The following KIF26B variants were observed in gnomAD, a reference collection of about 807,000 sequenced individuals.
KIF26B encodes kinesin-like protein KIF26B.
A neutral mutation model predicts 151.2 loss-of-function variants in KIF26B; 63 were observed. The observed-to-expected ratio is 0.42, with a 90% confidence interval of 0.34 to 0.51. The LOEUF (loss-of-function observed/expected upper bound fraction) is 0.51, where lower values mean the gene tolerates loss of function less well. Among genes scored for constraint, KIF26B ranks in the 20% least tolerant of loss-of-function variants. The pLI is 0.07. For synonymous variants in KIF26B, 1,357 were observed against 1,262.1 expected, an observed-to-expected ratio of 1.08 and a Z score of -1.59; for missense variants, 2,813 against 2,913.6, an observed-to-expected ratio of 0.97 and a Z score of 0.79.
chr1:245,242,725 C>G (rs1311561594), intron 2 of KIF26B, among the ~76,000 whole-genome samples: 1 of 152,098 alleles, frequency 6.6e-6, no homozygotes, highest in Non-Finnish European at 1.5e-5. Flanking sequence ...GATCTCGGCT[C>G]ACTGCATCCT....
In KIF26B at chr1:245,342,762, T is replaced by C. The variant is rs780049880; in HGVS notation, c.466-24072T>C. Among the ~76,000 whole-genome samples, 238 of 151,808 alleles carry C rather than the reference T, an allele frequency of 1.6e-3. 1 individual carries two copies. The highest frequency in any genetic ancestry group is 8.1e-4 in the Non-Finnish European group (55 of 67,950). The stretch of plus-strand genomic sequence containing the variant: ...GGAGGATGGAGACGTCAACCTGACA[T>C]AGGATTTGGAGAAGAGTCAGAGATT... On this transcript the variant is annotated intron_variant, in intron 2 of 14. Coordinates refer to ENST00000407071, the MANE Select transcript of KIF26B (RefSeq NM_018012.4).
In KIF26B at chr1:245,688,388, G is replaced by T; in HGVS notation, c.5405G>T (p.Arg1802Leu). 19 of 1,520,596 alleles carry T rather than the reference G, an allele frequency of 1.2e-5. No homozygotes were observed. Among genetic ancestry groups the T allele is most frequent in the Non-Finnish European group, 1.7e-5 (19 of 1,141,638 alleles). 94.2% of individuals were successfully genotyped at this position (1,520,596 alleles called of 1,614,324 possible). ...GGCCTGGCCTCCAAGCTTCCCCTGC[G>T]GGCCGTCAGCGGGCGCATCTCGGAG... ...SSGLASKLPL[R>L]AVSGRISELL... is the part of the protein sequence containing the mutation. The change falls in exon 12 of 15, where the codon CGG becomes CTG. Residue 1802 changes from arginine to leucine, a missense_variant. Transcript: ENST00000407071.
At chr1:245,544,220 C>A (rs1032163698) in intron 5 of KIF26B, among the ~76,000 whole-genome samples, 5 of 152,124 alleles carry the variant, frequency 3.3e-5, no homozygotes, top group African/African-American at 1.2e-4. Context: ...TTTAATATCA[C>A]CAAGAAATAC....
intron 2 of KIF26B, among the ~76,000 whole-genome samples, chr1:245,285,610 G>T (rs551614860): frequency 1.3e-5 from 2 of 148,168 alleles, no homozygotes; most frequent in Admixed American, 1.4e-4. Context: ...TCTCAGGTGG[G>T]ATATTCCAGA....
intron 3 of KIF26B, among the ~76,000 whole-genome samples, chr1:245,411,415 C>T (rs1267835118): frequency 6.6e-6 from 1 of 152,196 alleles, no homozygotes; most frequent in South Asian, 2.1e-4. Context: ...CAAACACAGA[C>T]GCTGCAGAAG....
intron 2 of KIF26B, among the ~76,000 whole-genome samples, chr1:245,242,145 C>A (rs1670219950): frequency 6.6e-6 from 1 of 152,160 alleles, no homozygotes; most frequent in Non-Finnish European, 1.5e-5. Context: ...AATCCCAGTG[C>A]TTTGGGAGGC....
intron 2 of KIF26B, among the ~76,000 whole-genome samples, chr1:245,345,712 T>A (rs1672440169): frequency 2.6e-5 from 4 of 152,030 alleles, no homozygotes; most frequent in Admixed American, 2.6e-4. Flanking sequence ...TCTGGTTGTT[T>A]ACAAGTGTGT....
rs563400185 is a variant in KIF26B, at chr1:245,217,987, G to C, written c.465+61304G>C. Among the ~76,000 whole-genome samples the C allele has an allele frequency of 3.3e-4, 50 of 152,284 alleles. 2 individuals carry two copies. The highest frequency in any genetic ancestry group is 1.1e-3 in the African/African-American group (46 of 41,576). The stretch of plus-strand genomic sequence containing the variant: ...GCCTGAGATTCATCAACTGCTGGTG[G>C]AACTGGGCTTAGTCCTGCATTCTTT... On this transcript the variant is annotated intron_variant, in intron 2 of 14. Transcript: ENST00000407071.
At chr1:245,340,367 C>A (rs1409206520) in intron 2 of KIF26B, among the ~76,000 whole-genome samples, 3 of 150,908 alleles carry the variant, frequency 2.0e-5, no homozygotes, top group Admixed American at 6.6e-5. Flanking sequence ...GAAAAAAACT[C>A]TGTACGTGTT....
intron 5 of KIF26B, among the ~76,000 whole-genome samples, chr1:245,598,437 A>G (rs1336584542): frequency 2.0e-5 from 3 of 152,182 alleles, no homozygotes; most frequent in African/African-American, 4.8e-5. Flanking sequence ...CTCTAGCTGG[A>G]CAGCTTCTGG....
chr1:245,637,065 T>A (rs2043841335), intron 9 of KIF26B, among the ~76,000 whole-genome samples: 1 of 152,138 alleles, frequency 6.6e-6, no homozygotes, highest in African/African-American at 2.4e-5. Flanking sequence ...ACAGTAGTTC[T>A]ACTTTTAAGT....
chr1:245,707,038 C>T lies in KIF26B; in HGVS notation c.*4432C>T, dbSNP rs980892846. 11 of 152,210 alleles carry T rather than the reference C, an allele frequency of 7.2e-5. No homozygotes were observed. Among genetic ancestry groups the T allele is most frequent in the African/African-American group, 2.7e-4 (11 of 41,452 alleles). 9.4% of individuals were successfully genotyped at this position (152,210 alleles called of 1,614,324 possible). ...AAAATGACACATTTTAAAATTACAA[C>T]CTGTTCATTATTTCCATCATAATGC... On this transcript the variant is annotated 3_prime_UTR_variant, in exon 15 of 15. Coordinates refer to ENST00000407071, the MANE Select transcript of KIF26B (RefSeq NM_018012.4).
chr1:245,504,587 A>G (rs1208485739), intron 4 of KIF26B, among the ~76,000 whole-genome samples: 1 of 151,936 alleles, frequency 6.6e-6, no homozygotes, highest in Non-Finnish European at 1.5e-5. Flanking sequence ...CTGCAGGTCC[A>G]CACCACCACT....
chr1:245,511,612 T>C (rs1660839489), intron 4 of KIF26B, among the ~76,000 whole-genome samples: 1 of 152,058 alleles, frequency 6.6e-6, no homozygotes, highest in Admixed American at 6.5e-5. Context: ...TTGTTTGGTT[T>C]TGTTTTTTAA....
chr1:245,613,327 G>A (rs1383888523), intron 9 of KIF26B, among the ~76,000 whole-genome samples: 1 of 152,218 alleles, frequency 6.6e-6, no homozygotes, highest in Non-Finnish European at 1.5e-5. Context: ...GTAGGACCAG[G>A]CGTGGTGGCT....
intron 3 of KIF26B, among the ~76,000 whole-genome samples, chr1:245,380,276 C>T (rs1558143856): frequency 1.3e-5 from 2 of 152,150 alleles, no homozygotes; most frequent in Non-Finnish European, 2.9e-5. Context: ...CATCTGAGAG[C>T]CTGGGCAATG....
In KIF26B at chr1:245,702,953, C is replaced by T. The variant is rs1263535405; in HGVS notation, c.*347C>T. 1.7e-5 allele frequency: 4 copies of T among 232,324 alleles called. No homozygotes were observed. Among genetic ancestry groups the T allele is most frequent in the Non-Finnish European group, 2.5e-5 (3 of 120,380 alleles). 14.4% of individuals were successfully genotyped at this position (232,324 alleles called of 1,614,324 possible). On this transcript the variant is annotated 3_prime_UTR_variant, in exon 15 of 15. Transcript: ENST00000407071. The surrounding 1 kb of genome is among the most constrained non-coding windows in gnomAD (Gnocchi z 4.1). ...TCTTGCTTTCGTGAGAAAGGAGGGG[C>T]GTGGATGTAGGATTGCTGTGGAAAG...
chr1:245,205,631 T>C (rs779068388), intron 2 of KIF26B, among the ~76,000 whole-genome samples: 69 of 152,284 alleles, frequency 4.5e-4, no homozygotes, highest in Non-Finnish European at 9.3e-4. Context: ...ACTTCCATGA[T>C]GTTCCTGCCA....
intron 6 of KIF26B, among the ~76,000 whole-genome samples, chr1:245,607,410 C>T (rs543692804): frequency 9.2e-5 from 14 of 152,320 alleles, no homozygotes; most frequent in African/African-American, 2.9e-4. Context: ...TTCGCTGAAA[C>T]GTACCACGGA....
Sources: gnomAD v4.1 joint callset for allele counts (sites outside exome capture counted in the v4.1 genomes callset) on GRCh38, gnomAD v4.1.1 for gene constraint, Gnocchi (gnomAD v3.1) non-coding constraint, MANE v1.5 for transcripts, NCBI Gene and HGNC (gene_info 2026-07-23, HGNC 2026-07-21) for gene names.